PTPRZ1: variants seen among roughly 807,000 people sequenced by gnomAD.
PTPRZ1 encodes the protein protein tyrosine phosphatase receptor type Z1.
PTPRZ1 carries 82 observed loss-of-function variants against 214.1 expected under a neutral mutation model. The ratio of observed to expected loss-of-function variants is 0.38; its 90% CI spans 0.32 to 0.46. The LOEUF (loss-of-function observed/expected upper bound fraction) is 0.46. Among genes scored for constraint, PTPRZ1 ranks in the 20% least tolerant of loss-of-function variants. PTPRZ1 has a pLI of 1.00. For synonymous variants in PTPRZ1, 945 were observed against 987.9 expected, an observed-to-expected ratio of 0.96 and a Z score of 0.81; for missense variants, 2,603 against 2,748.7, an observed-to-expected ratio of 0.95 and a Z score of 1.19.
At chr7:122,041,931 A>G (rs1799744676) in intron 21 of PTPRZ1, among the ~76,000 whole-genome samples, 1 of 152,210 alleles carries the variant, frequency 6.6e-6, no homozygotes, top group Non-Finnish European at 1.5e-5. Flanking sequence ...CAAACGGAGA[A>G]GGACCAGGCT....
intron 1 of PTPRZ1, among the ~76,000 whole-genome samples, chr7:121,879,647 TGAA>T (rs1794171027): frequency 6.6e-6 from 1 of 152,078 alleles, no homozygotes; most frequent in African/African-American, 2.4e-5. Flanking sequence ...TGAACTGAGT[TGAA>T]TTCAAATGGA....
intron 2 of PTPRZ1, among the ~76,000 whole-genome samples, chr7:121,953,220 T>G (rs764251531): frequency 2.0e-5 from 3 of 152,230 alleles, no homozygotes; most frequent in Non-Finnish European, 4.4e-5. Flanking sequence ...TTCATCTATT[T>G]TATATTTCAC....
chr7:121,919,477 A>G (rs1405650713), intron 1 of PTPRZ1, among the ~76,000 whole-genome samples: 3 of 152,178 alleles, frequency 2.0e-5, no homozygotes, highest in Middle Eastern at 3.5e-3. Flanking sequence ...TTCTCTATAC[A>G]AGTTTTAAAT....
intron 13 of PTPRZ1, among the ~76,000 whole-genome samples, chr7:122,023,048 A>G (rs1460955805): frequency 6.6e-6 from 1 of 152,160 alleles, no homozygotes; most frequent in East Asian, 1.9e-4. Flanking sequence ...TTTTTCTAAC[A>G]CTATACACAA....
At chr7:121,969,622 T>C (rs1391195090) in intron 3 of PTPRZ1, among the ~76,000 whole-genome samples, 1 of 151,810 alleles carries the variant, frequency 6.6e-6, no homozygotes, top group African/African-American at 2.4e-5. Context: ...GTGCCTGATA[T>C]GTAATAAACA....
rs143302716 is a variant in PTPRZ1 at position 121,990,677 on chromosome 7, G to A, written c.929-5705G>A. ...TGGGACTACAGGCGCATGCTACCAC[G>A]CCCGACTAATTTTTGTATTTTTAGC... On this transcript the variant is annotated intron_variant, in intron 8 of 29. Coordinates refer to ENST00000393386, the MANE Select transcript of PTPRZ1 (RefSeq NM_002851.3). Among the ~76,000 whole-genome samples, 397 of 151,748 alleles carry A rather than the reference G, an allele frequency of 2.6e-3. 4 individuals are homozygous for A. The highest frequency in any genetic ancestry group is 9.2e-3 in the African/African-American group (381 of 41,372).
intron 1 of PTPRZ1, among the ~76,000 whole-genome samples, chr7:121,891,933 G>A (rs987875349): frequency 1.3e-5 from 2 of 151,930 alleles, no homozygotes; most frequent in African/African-American, 4.8e-5. Context: ...CTTTCTTCCA[G>A]CTCCCTCTAA....
chr7:121,881,275 C>G (rs1014431656), intron 1 of PTPRZ1, among the ~76,000 whole-genome samples: 6 of 152,212 alleles, frequency 3.9e-5, no homozygotes, highest in African/African-American at 1.4e-4. Context: ...TGATCTTAAA[C>G]TTCCCAGCCT....
At chr7:121,945,718 T>A (rs533056968) in intron 2 of PTPRZ1, among the ~76,000 whole-genome samples, 1 of 152,298 alleles carries the variant, frequency 6.6e-6, no homozygotes, top group Admixed American at 6.5e-5. Flanking sequence ...CCTCTTCTTA[T>A]ACACACCCTA....
intron 8 of PTPRZ1, among the ~76,000 whole-genome samples, chr7:121,991,094 CAACTT>C (rs1345452650): frequency 6.6e-6 from 1 of 152,176 alleles, no homozygotes; most frequent in African/African-American, 2.4e-5. Context: ...TAAAAATTGT[CAACTT>C]ACTTAAACTC....
chr7:121,952,689 A>G (rs1406956153), intron 2 of PTPRZ1, among the ~76,000 whole-genome samples: 4 of 152,252 alleles, frequency 2.6e-5, no homozygotes, highest in African/African-American at 7.2e-5. Flanking sequence ...TTTGAGATTA[A>G]TAATCCCTTG....
rs539869052 is a variant in PTPRZ1 at position 121,990,277 on chromosome 7, C to A, written c.929-6105C>A. 2.0e-4 allele frequency among the ~76,000 whole-genome samples: 31 copies of A among 152,142 alleles called. 1 individual carries two copies. The South Asian group carries it at 5.8e-3, about 29-fold the overall frequency. The stretch of plus-strand genomic sequence containing the variant: ...AAAAACCATGTGAGATTTATATATT[C>A]ATATAAACTCTGTAAGGTTAGAGAC... On this transcript the variant is annotated intron_variant, in intron 8 of 29. Transcript: ENST00000393386.
intron 23 of PTPRZ1, among the ~76,000 whole-genome samples, chr7:122,050,541 T>G (rs1442198161): frequency 1.4e-5 from 2 of 147,846 alleles, no homozygotes; most frequent in Non-Finnish European, 3.0e-5. Flanking sequence ...AGAGAAGGAC[T>G]TCTTACGTAA....
intron 9 of PTPRZ1, 97 bp downstream of exon 9, chr7:121,996,663 C>T (rs1216102159): frequency 9.8e-7 from 1 of 1,016,192 alleles, no homozygotes; most frequent in Non-Finnish European, 1.4e-6. Flanking sequence ...TCCTCCATTA[C>T]TTTTAGACTT....
At chr7:122,057,682 A>T (rs1792404018) in intron 27 of PTPRZ1, among the ~76,000 whole-genome samples, 1 of 148,088 alleles carries the variant, frequency 6.8e-6, no homozygotes, top group African/African-American at 2.5e-5. Context: ...GTGAAAGAAA[A>T]GTTTTGAAGT....
rs10279873 is a variant in PTPRZ1, at chr7:121,987,650, G to A, written c.928+3533G>A. On this transcript the variant is annotated intron_variant, in intron 8 of 29. Coordinates refer to ENST00000393386, the MANE Select transcript of PTPRZ1 (RefSeq NM_002851.3). Reference sequence around the variant, plus strand: ...TTGTGGTTTTGGTTTGTATTTCTCCGATGATTAGTGATGGTGAGTAGTTTT... The same window carrying A: ...TTGTGGTTTTGGTTTGTATTTCTCCAATGATTAGTGATGGTGAGTAGTTTT... Among the ~76,000 whole-genome samples the A allele has an allele frequency of 4.8e-3, 725 of 152,166 alleles. 5 individuals carry two copies. Among genetic ancestry groups the A allele is most frequent in the African/African-American group, 0.017 (687 of 41,544 alleles).
At chr7:122,044,989 C>A (rs773565492) in intron 23 of PTPRZ1, among the ~76,000 whole-genome samples, 1 of 152,108 alleles carries the variant, frequency 6.6e-6, no homozygotes, top group Non-Finnish European at 1.5e-5. Context: ...CTTGAAACCC[C>A]TGGACCAAAG....
intron 2 of PTPRZ1, among the ~76,000 whole-genome samples, chr7:121,938,573 G>C (rs931758060): frequency 6.6e-6 from 1 of 152,184 alleles, no homozygotes; most frequent in African/African-American, 2.4e-5. Flanking sequence ...CATCTTCCTC[G>C]ATGTTTGCAT....
At chr7:122,000,259 C>T (rs1447017854) in intron 10 of PTPRZ1, among the ~76,000 whole-genome samples, 1 of 152,114 alleles carries the variant, frequency 6.6e-6, no homozygotes, top group Admixed American at 6.5e-5. Context: ...TTTTTATCCA[C>T]AGATTTACAA....
Sources: gnomAD v4.1 joint callset for allele counts (sites outside exome capture counted in the v4.1 genomes callset) on GRCh38, gnomAD v4.1.1 for gene constraint, MANE v1.5 for transcripts, NCBI Gene and HGNC (gene_info 2026-07-23, HGNC 2026-07-21) for gene names.